PPP3CC: variants seen among roughly 807,000 people sequenced by gnomAD.
PPP3CC encodes the protein serine/threonine-protein phosphatase 2B catalytic subunit gamma isoform.
A neutral mutation model predicts 60.3 loss-of-function variants in PPP3CC; 35 were observed. That is an observed-to-expected ratio of 0.58 (90% confidence interval 0.44 to 0.77). The LOEUF is 0.77. Among genes scored for constraint, PPP3CC ranks in the 30% least tolerant of loss-of-function variants. The pLI is 0.00. For missense variants in PPP3CC, 570 were observed against 628.9 expected, an observed-to-expected ratio of 0.91 and a Z score of 1.00; for synonymous variants, 206 against 224.3, an observed-to-expected ratio of 0.92 and a Z score of 0.73.
intron 1 of PPP3CC, among the ~76,000 whole-genome samples, chr8:22,449,765 TGAA>T (rs2132428138): frequency 6.6e-6 from 1 of 151,312 alleles, no homozygotes; most frequent in South Asian, 2.1e-4. Context: ...ATACATAAAA[TGAA>T]GAAAAAGAAG....
At position 22,441,205 on chromosome 8, in the gene PPP3CC, G is replaced by C. The variant is rs1385347806; in HGVS notation, c.-205G>C. ...CTGGCGCCTCCCAAGAGAGCGGCCGGTGGGCCCTCGTCCTGTCAGTGGCGT... is the reference window on the plus strand; with the variant it reads ...CTGGCGCCTCCCAAGAGAGCGGCCGCTGGGCCCTCGTCCTGTCAGTGGCGT... On this transcript the variant is annotated 5_prime_UTR_variant, in exon 1 of 14. Coordinates refer to ENST00000240139, the MANE Select transcript of PPP3CC (RefSeq NM_005605.5). 2 of 437,830 alleles carry C rather than the reference G, an allele frequency of 4.6e-6. No homozygotes were observed. The highest frequency in any genetic ancestry group is 8.0e-6 in the Non-Finnish European group (2 of 250,758). 27.1% of individuals were successfully genotyped at this position (437,830 alleles called of 1,614,324 possible).
At chr8:22,491,325 C>T (rs1838399465) in intron 3 of PPP3CC, among the ~76,000 whole-genome samples, 1 of 152,218 alleles carries the variant, frequency 6.6e-6, no homozygotes, top group Admixed American at 6.5e-5. Context: ...TATTTCCTCA[C>T]ATCCCTCCTT....
At chr8:22,510,149 C>A (rs1479580193) in intron 4 of PPP3CC, among the ~76,000 whole-genome samples, 1 of 147,296 alleles carries the variant, frequency 6.8e-6, no homozygotes, top group African/African-American at 2.5e-5. Flanking sequence ...CGCTACTGCA[C>A]TCCAGCCTGG....
chr8:22,530,468 G>A (rs2449339), intron 10 of PPP3CC, among the ~76,000 whole-genome samples: 84,918 of 151,018 alleles, frequency 0.56, 25,200 homozygotes, highest in African/African-American at 0.77. Flanking sequence ...CAAACAAACA[G>A]AAACACATAT....
intron 1 of PPP3CC, among the ~76,000 whole-genome samples, chr8:22,452,528 CT>C (rs1301774042): frequency 3.3e-5 from 5 of 151,952 alleles, no homozygotes; most frequent in African/African-American, 1.2e-4. Flanking sequence ...TGGAGTCTTG[CT>C]CTGTTAGCCG....
chr8:22,540,529 G>A, intron 13 of PPP3CC, 86 bp from the exon 14 acceptor site: 1 of 1,319,174 alleles, frequency 7.6e-7, no homozygotes, highest in African/African-American at 1.5e-5. Flanking sequence ...TCTCTAGGAG[G>A]TTGCTGTGTG....
chr8:22,493,685 G>T (rs1838475996), intron 3 of PPP3CC, among the ~76,000 whole-genome samples: 1 of 152,062 alleles, frequency 6.6e-6, no homozygotes, highest in African/African-American at 2.4e-5. Context: ...GGCCTTCAGG[G>T]GCAGTAACAG....
At chr8:22,496,483 A>ATTT (rs1563741124) in intron 3 of PPP3CC, among the ~76,000 whole-genome samples, 2 of 77,052 alleles carry the variant, frequency 2.6e-5, no homozygotes, top group African/African-American at 9.5e-5. Context: ...GAGAACTGTA[A>ATTT]TCTTTTTTTT....
intron 1 of PPP3CC, among the ~76,000 whole-genome samples, chr8:22,470,683 G>A (rs1259442666): frequency 1.3e-5 from 2 of 152,156 alleles, no homozygotes; most frequent in Non-Finnish European, 2.9e-5. Flanking sequence ...CTACTCATCA[G>A]GGAAATGCAA....
At chr8:22,476,434 T>C (rs1217492875) in intron 3 of PPP3CC, among the ~76,000 whole-genome samples, 7 of 152,178 alleles carry the variant, frequency 4.6e-5, no homozygotes, top group Admixed American at 2.6e-4. Context: ...CCTGCCCTCA[T>C]TGTGTGAGAA....
At chr8:22,490,059 G>A (rs889751708) in intron 3 of PPP3CC, among the ~76,000 whole-genome samples, 1 of 151,726 alleles carries the variant, frequency 6.6e-6, no homozygotes, top group Non-Finnish European at 1.5e-5. Flanking sequence ...TCCTGACCTC[G>A]TGATCTACCC....
Position 22,442,612 on chromosome 8 carries a change from G to A in PPP3CC, c.49+1154G>A, listed in dbSNP as rs548068682. On this transcript the variant is annotated intron_variant, in intron 1 of 13. Coordinates refer to ENST00000240139, the MANE Select transcript of PPP3CC (RefSeq NM_005605.5). ...AGATTTATCTGCTTAGCATTTGTAT[G>A]CTATCGTTAGAGGTTTAACTGAATT... 2.6e-5 allele frequency among the ~76,000 whole-genome samples: 4 copies of A among 152,236 alleles called. No homozygotes were observed. In the South Asian group the frequency reaches 8.3e-4, roughly 32 times the overall value.
At chr8:22,502,330 C>T (rs1337484665) in intron 4 of PPP3CC, among the ~76,000 whole-genome samples, 2 of 152,122 alleles carry the variant, frequency 1.3e-5, no homozygotes, top group Non-Finnish European at 2.9e-5. Flanking sequence ...TAAATGTCAA[C>T]AAGACAGTGA....
rs776459617 is a variant in PPP3CC at position 22,511,216 on chromosome 8, A to G, written c.615A>G (p.Leu205=). The G allele has an allele frequency of 6.2e-7, 1 of 1,612,908 alleles. No individual in the cohort carries two copies. The highest frequency in any genetic ancestry group is 8.5e-7 in the Non-Finnish European group (1 of 1,178,976). ...HGGMSPEITS[L]DDIRKLDRFT... ...GAATGTCACCTGAAATTACTTCTTT[A>G]GATGACATTAGGAAAGTAAGTAATC... Residue 205 remains leucine (L), a synonymous_variant, in exon 5 of 14, where the codon TTA becomes TTG. Coordinates refer to ENST00000240139, the MANE Select transcript of PPP3CC (RefSeq NM_005605.5).
intron 3 of PPP3CC, among the ~76,000 whole-genome samples, chr8:22,495,706 C>T (rs1838556228): frequency 6.6e-6 from 1 of 152,020 alleles, no homozygotes; most frequent in Non-Finnish European, 1.5e-5. Context: ...TTACAGGCAC[C>T]TGCCACCAGG....
At chr8:22,523,766 C>T in intron 8 of PPP3CC, 1 of 434,774 alleles carries the variant, frequency 2.3e-6, no homozygotes, top group Non-Finnish European at 4.6e-6. Flanking sequence ...GGTGAGTGAT[C>T]AAGCTAGATG....
At chr8:22,483,032 C>T (rs1838114281) in intron 3 of PPP3CC, among the ~76,000 whole-genome samples, 1 of 152,098 alleles carries the variant, frequency 6.6e-6, no homozygotes, top group South Asian at 2.1e-4. Context: ...ATATGACTTG[C>T]AATCATGTAC....
rs542514381 is a variant in PPP3CC at position 22,501,145 on chromosome 8, G to T, written c.484+3033G>T. On this transcript the variant is annotated intron_variant, in intron 4 of 13. Coordinates refer to ENST00000240139, the MANE Select transcript of PPP3CC (RefSeq NM_005605.5). ...ACTACACTCCAGCCTGGGAGACATA[G>T]TGAGACCCTGTCTCAACAACAACAA... 1.4e-3 allele frequency among the ~76,000 whole-genome samples: 220 copies of T among 152,238 alleles called. 1 individual carries two copies. The highest frequency in any genetic ancestry group is 4.9e-3 in the African/African-American group (204 of 41,542).
chr8:22,505,219 G>T (rs1322989561), intron 4 of PPP3CC, among the ~76,000 whole-genome samples: 2 of 151,882 alleles, frequency 1.3e-5, no homozygotes, highest in Non-Finnish European at 2.9e-5. Context: ...TAGAGACAGG[G>T]TTTCACTATG....
Sources: allele counts gnomAD v4.1 joint callset (sites outside exome capture counted in the v4.1 genomes callset), GRCh38; gene constraint gnomAD v4.1.1; transcripts MANE v1.5; gene names NCBI Gene and HGNC (gene_info 2026-07-23, HGNC 2026-07-21).